Variants in BCR observed in about 807,000 individuals in gnomAD.
The protein encoded by BCR is BCR activator of RhoGEF and GTPase, also known as breakpoint cluster region protein.
Under a neutral mutation model 138.6 loss-of-function variants are expected in BCR, and 58 were observed. The ratio of observed to expected loss-of-function variants is 0.42; its 90% CI spans 0.34 to 0.52. The LOEUF (loss-of-function observed/expected upper bound fraction) is 0.52, where lower values mean the gene tolerates loss of function less well. BCR is among the 20% of genes least tolerant of loss of function. The pLI, the probability that BCR is intolerant of heterozygous loss-of-function variation, is 0.06. For missense variants in BCR, 1,599 were observed against 1,727.2 expected (o/e 0.93, Z 1.32); for synonymous variants, 786 against 730.1 (o/e 1.08, Z -1.23).
chr22:23,267,260 A>G (rs968284094), intron 4 of BCR, among the ~76,000 whole-genome samples: 2 of 152,124 alleles, frequency 1.3e-5, no homozygotes, highest in Admixed American at 6.5e-5. Context: ...TCTGGGCCTC[A>G]TCACTGCACG....
At chr22:23,214,591 G>A (rs2072727942) in intron 1 of BCR, among the ~76,000 whole-genome samples, 1 of 152,202 alleles carries the variant, frequency 6.6e-6, no homozygotes, top group African/African-American at 2.4e-5. Flanking sequence ...GCCCTCCCAG[G>A]GTAGGGACGG....
chr22:23,264,270 A>T (rs1209159430), intron 4 of BCR: 45 of 925,348 alleles, frequency 4.9e-5, no homozygotes, highest in Non-Finnish European at 6.7e-5. Flanking sequence ...CCGCCTCGGC[A>T]GCCCTGTGTA....
chr22:23,217,873 G>A (rs963351292), intron 1 of BCR, among the ~76,000 whole-genome samples: 3 of 152,234 alleles, frequency 2.0e-5, no homozygotes, highest in Non-Finnish European at 4.4e-5. Flanking sequence ...ATCTGCAGCT[G>A]TGGCCGCCTG....
At chr22:23,254,412 T>G in intron 2 of BCR, 1 of 500,852 alleles carries the variant, frequency 2.0e-6, no homozygotes, top group African/African-American at 1.9e-5. Context: ...GAATTTTCAC[T>G]TGACCCTCAT....
chr22:23,285,274 G>T, intron 10 of BCR, 73 bp downstream of exon 10: 1 of 1,493,696 alleles, frequency 6.7e-7, no homozygotes, highest in Non-Finnish European at 9.0e-7. Flanking sequence ...CGGCCAGTGG[G>T]TGCTTTCTCC....
chr22:23,305,432 G>A (rs1433324476), intron 16 of BCR, among the ~76,000 whole-genome samples: 4 of 152,174 alleles, frequency 2.6e-5, no homozygotes, highest in African/African-American at 9.7e-5. Flanking sequence ...GCTGAGGGTG[G>A]GTGAGAGGAT....
chr22:23,253,095 A>G (rs1236015560), intron 1 of BCR, among the ~76,000 whole-genome samples: 2 of 152,194 alleles, frequency 1.3e-5, no homozygotes, highest in Middle Eastern at 3.2e-3. Context: ...ATAACTTACT[A>G]GCTGACTGGT....
chr22:23,262,705 G>A (rs1255195044), intron 4 of BCR: 1 of 189,778 alleles, frequency 5.3e-6, no homozygotes, highest in Non-Finnish European at 7.2e-6. Context: ...GGGCCCGGGT[G>A]AGGGCGGGCC....
At chr22:23,190,387 C>T (rs1287435056) in intron 1 of BCR, among the ~76,000 whole-genome samples, 2 of 152,058 alleles carry the variant, frequency 1.3e-5, no homozygotes, top group African/African-American at 2.4e-5. Context: ...AGCCTGGTCT[C>T]GAACTTCTGA....
chr22:23,187,168 G>A (rs574182909), intron 1 of BCR, among the ~76,000 whole-genome samples: 1 of 152,204 alleles, frequency 6.6e-6, no homozygotes, highest in South Asian at 2.1e-4. Context: ...TCAGGACTGG[G>A]GACTTTTACT....
chr22:23,260,578 C>T (rs192077901), intron 2 of BCR, among the ~76,000 whole-genome samples: 9 of 152,318 alleles, frequency 5.9e-5, no homozygotes, highest in Admixed American at 2.6e-4. Context: ...TGGGCTCTGA[C>T]GCCCCCTCAG....
At chr22:23,273,490 C>A in intron 7 of BCR, 144 bp from the exon 8 acceptor site, 1 of 1,144,802 alleles carries the variant, frequency 8.7e-7, no homozygotes, top group Non-Finnish European at 1.3e-6. Flanking sequence ...GTCCACAAAG[C>A]TGGGGCCCAA....
intron 1 of BCR, among the ~76,000 whole-genome samples, chr22:23,235,376 G>A (rs957799463): frequency 2.8e-5 from 4 of 144,700 alleles, no homozygotes; most frequent in East Asian, 1.9e-4. Flanking sequence ...CACCATGCCC[G>A]GCCTTCTCCA....
intron 1 of BCR, among the ~76,000 whole-genome samples, chr22:23,218,363 A>G (rs1334613339): frequency 6.6e-6 from 1 of 152,160 alleles, no homozygotes; most frequent in African/African-American, 2.4e-5. Flanking sequence ...TAAACTTTTT[A>G]CTTGCTAGCC....
In BCR at chr22:23,204,291, G is replaced by A. The variant is rs562542187; in HGVS notation, c.1279+22052G>A. Among the ~76,000 whole-genome samples, 92 of 152,216 alleles carry A rather than the reference G, an allele frequency of 6.0e-4. 2 individuals carry two copies. The highest frequency in any genetic ancestry group is 6.2e-4 in the South Asian group (3 of 4,826). ...GCCCATCTTAGCTGTGCCCTTGGCC[G>A]CCACTCTGACTCCAGTGAATCACGT... On this transcript the variant is annotated intron_variant, in intron 1 of 22. Coordinates refer to ENST00000305877, the MANE Select transcript of BCR (RefSeq NM_004327.4).
chr22:23,263,387 C>T, intron 4 of BCR: 1 of 1,253,322 alleles, frequency 8.0e-7, no homozygotes, highest in African/African-American at 1.5e-5. Context: ...TCGGCACCAA[C>T]CTGATGACCA....
intron 16 of BCR, among the ~76,000 whole-genome samples, chr22:23,299,765 A>G (rs904702049): frequency 6.6e-6 from 1 of 151,838 alleles, no homozygotes; most frequent in Admixed American, 6.6e-5. Context: ...ATGCACTGGA[A>G]ATTGCTGAGC....
rs140417648 is a variant in BCR, at chr22:23,314,260, C to T, written c.3563+187C>T. Among the ~76,000 whole-genome samples the T allele has an allele frequency of 5.9e-3, 899 of 152,328 alleles. 4 individuals are homozygous for T. The highest frequency in any genetic ancestry group is 0.02 in the African/African-American group (849 of 41,568). ...AGCCTCTCTTCTTTGCCACCCTCCTCTCTCTGCACTGTGGCCTTAAAAAAG... is the reference window on the plus strand; with the variant it reads ...AGCCTCTCTTCTTTGCCACCCTCCTTTCTCTGCACTGTGGCCTTAAAAAAG... On this transcript the variant is annotated intron_variant, in intron 21 of 22. Transcript: ENST00000305877.
At chr22:23,275,618 C>G (rs532743373) in intron 8 of BCR, among the ~76,000 whole-genome samples, 1 of 152,288 alleles carries the variant, frequency 6.6e-6, no homozygotes, top group South Asian at 2.1e-4. Flanking sequence ...GGGCCCTGCC[C>G]TTGGTTCTCT....
Sources: allele counts gnomAD v4.1 joint callset (sites outside exome capture counted in the v4.1 genomes callset), GRCh38; gene constraint gnomAD v4.1.1; transcripts MANE v1.5; gene names NCBI Gene and HGNC (gene_info 2026-07-23, HGNC 2026-07-21).